Variants in PARP1 observed in about 807,000 individuals in gnomAD.
The protein encoded by PARP1 is poly(ADP-ribose) polymerase 1.
In PARP1, 44 loss-of-function variants were observed where a neutral mutation model predicts 118.7. That is an observed-to-expected ratio of 0.37 (90% CI 0.29 to 0.48). The LOEUF (loss-of-function observed/expected upper bound fraction) is 0.48. PARP1 is among the 20% of genes least tolerant of loss of function. The pLI is 0.99. For missense variants in PARP1, 1,100 were observed against 1,272.4 expected, an observed-to-expected ratio of 0.86 and a Z score of 2.06; for synonymous variants, 492 against 483.2, an observed-to-expected ratio of 1.02 and a Z score of -0.24.
At chr1:226,367,068 AG>A (rs1351425729) in intron 17 of PARP1, 1 of 276,490 alleles carries the variant, frequency 3.6e-6, no homozygotes, top group Non-Finnish European at 7.0e-6. Flanking sequence ...GGTGCCATCA[AG>A]CATTTCCACT....
chr1:226,380,814 G>C (rs1044460092), intron 9 of PARP1, among the ~76,000 whole-genome samples: 5 of 152,156 alleles, frequency 3.3e-5, no homozygotes, highest in Non-Finnish European at 7.3e-5. Flanking sequence ...ATTTGTTTGG[G>C]CTTCGGGACT....
chr1:226,395,182 G>A (rs181232507), intron 2 of PARP1, among the ~76,000 whole-genome samples: 32 of 152,038 alleles, frequency 2.1e-4, no homozygotes, highest in Non-Finnish European at 3.7e-4. Context: ...TGTCTTGCTG[G>A]TGGAAATGGA....
intron 1 of PARP1, 37 bp downstream of exon 1, chr1:226,407,773 C>A: frequency 6.5e-7 from 1 of 1,532,546 alleles, no homozygotes; most frequent in South Asian, 1.2e-5. Flanking sequence ...CCCGGGGCGC[C>A]GCGTCCCCGC....
intron 1 of PARP1, among the ~76,000 whole-genome samples, chr1:226,403,400 G>C (rs998249278): frequency 6.6e-6 from 1 of 152,192 alleles, no homozygotes; most frequent in Non-Finnish European, 1.5e-5. Flanking sequence ...GGCTGGTCTC[G>C]AACTTCTGAC....
chr1:226,380,247 G>A, intron 9 of PARP1, 83 bp from the exon 10 acceptor site: 3 of 1,363,024 alleles, frequency 2.2e-6, no homozygotes, highest in Non-Finnish European at 3.1e-6. Context: ...TATATTTAGT[G>A]TGTACTTCCA....
chr1:226,404,190 G>A (rs561001299), intron 1 of PARP1, among the ~76,000 whole-genome samples: 4 of 152,172 alleles, frequency 2.6e-5, no homozygotes, highest in Middle Eastern at 3.4e-3. Flanking sequence ...CAGAGGGCAC[G>A]CAGTGTTTGC....
At chr1:226,400,889 G>A (rs1034625442) in intron 2 of PARP1, among the ~76,000 whole-genome samples, 6 of 152,234 alleles carry the variant, frequency 3.9e-5, no homozygotes, top group South Asian at 2.1e-4. Context: ...AAGGACTTGC[G>A]TGAGGGCATC....
Position 226,370,711 on chromosome 1 carries a change from A to C in PARP1, c.2071-194T>G, listed in dbSNP as rs1342879408. The stretch of plus-strand genomic sequence containing the variant: ...ACCATGAGGGATGGCAGTGTGTCTG[A>C]AGATTCTTGCTCACTTCCTTTACGG... On this transcript the variant is annotated intron_variant, in intron 14 of 22. Transcript: ENST00000366794. The C allele has an allele frequency of 4.7e-6, 3 of 643,374 alleles. No homozygotes were observed. In the Admixed American group the frequency reaches 6.6e-5, roughly 14 times the overall value. The allele number at this position is 643,374 out of a possible 1,614,324, so 39.9% of individuals were successfully genotyped here. A position where few individuals can be genotyped will look rare whatever the true frequency, so the allele number is the denominator to read the frequency against.
chr1:226,392,559 G>A (rs934063391), intron 2 of PARP1: 2 of 562,094 alleles, frequency 3.6e-6, no homozygotes, highest in Non-Finnish European at 6.4e-6. Flanking sequence ...TCAGGGGGTG[G>A]TCAGCTGTCT....
At chr1:226,385,341 T>G (rs1664693980) in intron 7 of PARP1, among the ~76,000 whole-genome samples, 163 bp downstream of exon 7, 2 of 152,226 alleles carry the variant, frequency 1.3e-5, no homozygotes, top group East Asian at 1.9e-4. Flanking sequence ...TTGCGTAGTT[T>G]GCAAACATGT....
chr1:226,364,342 C>T, intron 19 of PARP1: 1 of 417,142 alleles, frequency 2.4e-6, no homozygotes, highest in Non-Finnish European at 4.6e-6. Flanking sequence ...AACACAGTCT[C>T]ATGGAGCTGC....
rs1356753362 is a variant in PARP1 at position 226,365,286 on chromosome 1, T to C, written c.2506-132A>G. ...CTAGAAGACTTAAGGTCTGCTGCAA[T>C]GTAAAAAGTGTTTTCCACAAGGCTG... On this transcript the variant is annotated intron_variant, in intron 18 of 22. Transcript: ENST00000366794. The C allele has an allele frequency of 6.8e-6, 7 of 1,022,626 alleles. 1 individual carries two copies. In the East Asian group the frequency reaches 1.0e-4, roughly 15 times the overall value. The allele number at this position is 1,022,626 out of a possible 1,614,324, so 63.3% of individuals were successfully genotyped here.
rs1665189595 is a variant in PARP1, at chr1:226,408,088, A to C, written c.-159T>G. 1.9e-6 allele frequency: 2 copies of C among 1,069,512 alleles called. No individual in the cohort carries two copies. The highest frequency in any genetic ancestry group is 2.7e-6 in the Non-Finnish European group (2 of 734,696). The allele number at this position is 1,069,512 out of a possible 1,614,324, so 66.3% of individuals were successfully genotyped here. A position where few individuals can be genotyped will look rare whatever the true frequency, so the allele number is the denominator to read the frequency against. On this transcript the variant is annotated 5_prime_UTR_variant, in exon 1 of 23. Transcript: ENST00000366794. ...ACCGGCCACCGCCGTTCCCTGATAG[A>C]TTGCTGATGCCTGGCCGCGGGAACG...
chr1:226,365,788 AC>A (rs1446117588), intron 18 of PARP1, among the ~76,000 whole-genome samples, 165 bp downstream of exon 18: 174 of 49,106 alleles, frequency 3.5e-3, no homozygotes, highest in African/African-American at 0.019. Context: ...CAAAAAACAA[AC>A]AAACAAAAAA....
chr1:226,367,446 G>A lies in PARP1; in HGVS notation c.2406+34C>T, dbSNP rs540742718. On this transcript the variant is annotated intron_variant, in intron 17 of 22. Coordinates refer to ENST00000366794, the MANE Select transcript of PARP1 (RefSeq NM_001618.4). ...GGGACCGCTGCTCTCAGGATGAGAG[G>A]TTAAGATGCTTGAGGAAGGCCTGAC... is the stretch of plus-strand genomic sequence containing the variant. 2.5e-5 allele frequency: 41 copies of A among 1,612,308 alleles called. 1 individual carries two copies. The South Asian group carries it at 4.2e-4, about 16-fold the overall frequency.
At chr1:226,372,982 G>A (rs1456065367) in intron 14 of PARP1, among the ~76,000 whole-genome samples, 11 of 152,056 alleles carry the variant, frequency 7.2e-5, no homozygotes, top group Admixed American at 5.2e-4. Flanking sequence ...CAAGCACAGC[G>A]AACAAGCCCT....
rs1224216382 is a variant in PARP1, at chr1:226,392,197, A to G, written c.402+2T>C. 4 of 1,593,194 alleles carry G rather than the reference A, an allele frequency of 2.5e-6. No homozygotes were observed. The South Asian group carries it at 4.4e-5, about 18-fold the overall frequency. On this transcript the variant is annotated splice_donor_variant, in intron 3 of 22. Coordinates refer to ENST00000366794, the MANE Select transcript of PARP1 (RefSeq NM_001618.4). LOFTEE classifies it high-confidence loss of function. ...CAGGGATCTGGGCCCCCAAGATCTT[A>G]CCTTTTCTATCTTCTCCATACACCC...
intron 12 of PARP1, 123 bp downstream of exon 12, chr1:226,379,017 CTG>C (rs963270672): frequency 8.6e-7 from 1 of 1,166,624 alleles, no homozygotes; most frequent in Non-Finnish European, 1.3e-6. Flanking sequence ...TTTTTGATCT[CTG>C]TGATTAGATT....
chr1:226,405,510 T>C (rs954316873), intron 1 of PARP1, among the ~76,000 whole-genome samples: 7 of 152,112 alleles, frequency 4.6e-5, no homozygotes, highest in Admixed American at 2.0e-4. Context: ...TTCACCATGT[T>C]GGCCAGGCTG....
Sources: gnomAD v4.1 joint callset for allele counts (sites outside exome capture counted in the v4.1 genomes callset) on GRCh38, gnomAD v4.1.1 for gene constraint, MANE v1.5 for transcripts, NCBI Gene and HGNC (gene_info 2026-07-23, HGNC 2026-07-21) for gene names.